The following ANKS1B variants were observed in gnomAD, a reference collection of about 807,000 sequenced individuals.
ANKS1B encodes the protein ankyrin repeat and sterile alpha motif domain containing 1B.
ANKS1B carries 36 observed loss-of-function variants against 148.3 expected under a neutral mutation model. The ratio of observed to expected loss-of-function variants is 0.24; its 90% CI spans 0.19 to 0.32. ANKS1B has a LOEUF of 0.32. ANKS1B is among the 10% of genes least tolerant of loss of function. The pLI is 1.00. For synonymous variants in ANKS1B, 542 were observed against 560.8 expected (o/e 0.97, Z 0.47); for missense variants, 1,157 against 1,542.6 (o/e 0.75, Z 4.19).
At chr12:98,949,115 G>A in intron 17 of ANKS1B, among the ~76,000 whole-genome samples, 1 of 151,754 alleles carries the variant, frequency 6.6e-6, no homozygotes, top group East Asian at 1.9e-4. Flanking sequence ...AACACACCCA[G>A]CTAATTTTTT....
Position 99,485,108 on chromosome 12 carries a change from C to T in ANKS1B, c.1438+19368G>A, listed in dbSNP as rs190847819. On this transcript the variant is annotated intron_variant, in intron 10 of 26. Coordinates refer to ENST00000683438, the MANE Select transcript of ANKS1B (RefSeq NM_001352186.2). ...TTTCATTATGTCATTGTTTTATAGG[C>T]CTTGTGAGTTTTAAGCTTTCCAAAG... 4.7e-4 allele frequency among the ~76,000 whole-genome samples: 72 copies of T among 151,758 alleles called. 1 individual carries two copies. Among genetic ancestry groups the T allele is most frequent in the Admixed American group, 1.3e-4 (2 of 15,212 alleles).
intron 9 of ANKS1B, among the ~76,000 whole-genome samples, chr12:99,620,732 C>A (rs113127390): frequency 2.8e-3 from 424 of 152,126 alleles, no homozygotes; most frequent in Non-Finnish European, 4.7e-3. Flanking sequence ...AAAAAATGAA[C>A]AAAGTCTTCA....
intron 1 of ANKS1B, among the ~76,000 whole-genome samples, chr12:99,930,679 A>G (rs1156721915): frequency 6.6e-6 from 1 of 152,208 alleles, no homozygotes; most frequent in Non-Finnish European, 1.5e-5. Context: ...CGATCATTAA[A>G]AAGTCAGGAA....
At chr12:99,374,585 T>C (rs191317569) in intron 12 of ANKS1B, among the ~76,000 whole-genome samples, 1 of 152,354 alleles carries the variant, frequency 6.6e-6, no homozygotes, top group East Asian at 1.9e-4. Flanking sequence ...AGTTCACATT[T>C]ATTTCAATGT....
chr12:98,741,457 C>T (rs1449370835), downstream of ANKS1B, among the ~76,000 whole-genome samples: 1 of 152,212 alleles, frequency 6.6e-6, no homozygotes, highest in Non-Finnish European at 1.5e-5. Context: ...CACTTCAAAA[C>T]CCAACGATTT....
chr12:99,784,965 G>C (rs992627564), intron 4 of ANKS1B, among the ~76,000 whole-genome samples: 10 of 152,196 alleles, frequency 6.6e-5, no homozygotes, highest in Admixed American at 3.3e-4. Flanking sequence ...CAGCGGAAAT[G>C]TAGGCCACAT....
At chr12:99,382,866 T>C (rs1161157478) in intron 12 of ANKS1B, among the ~76,000 whole-genome samples, 1 of 152,122 alleles carries the variant, frequency 6.6e-6, no homozygotes, top group Non-Finnish European at 1.5e-5. Context: ...ATCACTACAG[T>C]AGTTTTTGCT....
rs1279144216 is a variant in ANKS1B, at chr12:99,577,643, C to T, written c.1273-73002G>A. ...GAAGAAATGTATAAATTCCTGGAAA[C>T]ATACAACCTCCCAAGACTGAACCAG... is the stretch of plus-strand genomic sequence containing the variant. On this transcript the variant is annotated intron_variant, in intron 9 of 26. Transcript: ENST00000683438. Among the ~76,000 whole-genome samples the T allele has an allele frequency of 3.3e-5, 5 of 152,084 alleles. No individual in the cohort carries two copies. In the South Asian group the frequency reaches 1.0e-3, roughly 32 times the overall value.
intron 11 of ANKS1B, among the ~76,000 whole-genome samples, chr12:99,411,526 GT>G (rs2094707541): frequency 6.6e-6 from 1 of 152,104 alleles, no homozygotes; most frequent in Admixed American, 6.5e-5. Flanking sequence ...GAGTGCAGGT[GT>G]TTTTTGGTAG....
intron 1 of ANKS1B, among the ~76,000 whole-genome samples, chr12:99,946,153 G>C (rs2095055490): frequency 6.6e-6 from 1 of 152,124 alleles, no homozygotes; most frequent in African/African-American, 2.4e-5. Flanking sequence ...AAAAAGACCA[G>C]AAAGAGTAGA....
intron 1 of ANKS1B, among the ~76,000 whole-genome samples, chr12:99,835,323 C>G (rs536558599): frequency 1.3e-4 from 19 of 150,950 alleles, no homozygotes; most frequent in Non-Finnish European, 8.8e-5. Flanking sequence ...CCCAGCTATT[C>G]GGGAAGCTGA....
At chr12:99,321,429 T>G (rs1289268279) in intron 12 of ANKS1B, among the ~76,000 whole-genome samples, 1 of 152,230 alleles carries the variant, frequency 6.6e-6, no homozygotes, top group Non-Finnish European at 1.5e-5. Flanking sequence ...CCAGCCTCGC[T>G]GCCGCCTTGC....
intron 9 of ANKS1B, among the ~76,000 whole-genome samples, chr12:99,523,591 T>C (rs2096897118): frequency 6.7e-6 from 1 of 149,910 alleles, no homozygotes; most frequent in African/African-American, 2.5e-5. Context: ...TCTCACTCTG[T>C]TGCCCAGGCT....
intron 9 of ANKS1B, among the ~76,000 whole-genome samples, chr12:99,598,169 A>T (rs551595443): frequency 6.6e-6 from 1 of 152,132 alleles, no homozygotes; most frequent in South Asian, 2.1e-4. Context: ...ATGATGTAAC[A>T]TTTTTTTGAA....
At chr12:99,002,462 A>G (rs1285857385) in intron 17 of ANKS1B, among the ~76,000 whole-genome samples, 5 of 151,408 alleles carry the variant, frequency 3.3e-5, no homozygotes, top group Non-Finnish European at 7.4e-5. Context: ...GCTAATTAAC[A>G]TAGCCGACAC....
At chr12:99,247,090 C>T (rs969602271) in intron 12 of ANKS1B, among the ~76,000 whole-genome samples, 2 of 152,032 alleles carry the variant, frequency 1.3e-5, no homozygotes, top group Non-Finnish European at 1.5e-5. Context: ...TCTGATATAC[C>T]TTAGAGTTCA....
chr12:99,140,165 A>G (rs2153793168), intron 15 of ANKS1B, among the ~76,000 whole-genome samples: 1 of 152,316 alleles, frequency 6.6e-6, no homozygotes, highest in South Asian at 2.1e-4. Context: ...GAAAGTGCTA[A>G]GTGCAATCTA....
At chr12:99,922,415 G>C (rs2094381116) in intron 1 of ANKS1B, among the ~76,000 whole-genome samples, 1 of 151,994 alleles carries the variant, frequency 6.6e-6, no homozygotes, top group South Asian at 2.1e-4. Flanking sequence ...CTTCTAACAA[G>C]AGTAGGAAAA....
At chr12:99,442,420 T>C (rs2095564094) in intron 11 of ANKS1B, among the ~76,000 whole-genome samples, 1 of 151,888 alleles carries the variant, frequency 6.6e-6, no homozygotes, top group Non-Finnish European at 1.5e-5. Flanking sequence ...TGAACCTGCA[T>C]ATTCCATACT....
Sources: allele counts gnomAD v4.1 joint callset (sites outside exome capture counted in the v4.1 genomes callset), GRCh38; gene constraint gnomAD v4.1.1; transcripts MANE v1.5; gene names NCBI Gene and HGNC (gene_info 2026-07-23, HGNC 2026-07-21).